TENM4: variants seen among roughly 807,000 people sequenced by gnomAD.
The protein encoded by TENM4 is teneurin-4.
In TENM4, 82 loss-of-function variants were observed where a neutral mutation model predicts 243.3. That is an observed-to-expected ratio of 0.34 (90% CI 0.28 to 0.40). TENM4 has a LOEUF of 0.40. TENM4 is among the 10% of genes least tolerant of loss of function. TENM4 has a pLI of 1.00. For missense variants in TENM4, 3,138 were observed against 3,673.3 expected (o/e 0.85, Z 3.77); for synonymous variants, 1,412 against 1,456.3 (o/e 0.97, Z 0.69).
At chr11:78,969,585 A>T (rs961906862) in intron 6 of TENM4, among the ~76,000 whole-genome samples, 1 of 152,234 alleles carries the variant, frequency 6.6e-6, no homozygotes, top group Non-Finnish European at 1.5e-5. Context: ...TTTGCTCAGC[A>T]GTCCTGAGAA....
At chr11:79,234,635 C>A (rs1490776458) in intron 2 of TENM4, among the ~76,000 whole-genome samples, 1 of 152,190 alleles carries the variant, frequency 6.6e-6, no homozygotes, top group African/African-American at 2.4e-5. Context: ...GAGTGGCTTT[C>A]CTGGGAGTTC....
At chr11:79,314,729 A>G (rs139181997) in intron 1 of TENM4, among the ~76,000 whole-genome samples, 59 of 152,334 alleles carry the variant, frequency 3.9e-4, no homozygotes, top group African/African-American at 1.4e-3. Flanking sequence ...AAGGGGTAGA[A>G]AAGGGGAGTA....
At chr11:78,877,678 G>A (rs1859303866) in intron 9 of TENM4, among the ~76,000 whole-genome samples, 1 of 152,176 alleles carries the variant, frequency 6.6e-6, no homozygotes, top group African/African-American at 2.4e-5. Context: ...CCCTAGGAGA[G>A]TGTGTTGTTT....
chr11:79,384,391 T>G (rs1858066125), intron 1 of TENM4, among the ~76,000 whole-genome samples: 1 of 152,176 alleles, frequency 6.6e-6, no homozygotes, highest in Non-Finnish European at 1.5e-5. Flanking sequence ...GCATCCCCAT[T>G]TGGTGTCCTT....
chr11:79,190,829 T>G (rs12787750), intron 3 of TENM4, among the ~76,000 whole-genome samples: 3,988 of 30,934 alleles, frequency 0.13, 455 homozygotes, highest in East Asian at 0.4. Flanking sequence ...TCCCTCTCCC[T>G]TCTCCCTCTC....
At chr11:78,967,120 T>C (rs977816216) in intron 6 of TENM4, among the ~76,000 whole-genome samples, 1 of 152,108 alleles carries the variant, frequency 6.6e-6, no homozygotes, top group African/African-American at 2.4e-5. Context: ...TCAAGAAGCT[T>C]TCCTGATGCT....
intron 1 of TENM4, among the ~76,000 whole-genome samples, chr11:79,370,184 C>G (rs1213815901): frequency 6.6e-6 from 1 of 152,366 alleles, no homozygotes; most frequent in South Asian, 2.1e-4. Flanking sequence ...CTGAGCCAGG[C>G]TCCTGCTCAC....
At chr11:79,161,865 T>C (rs1306901345) in intron 3 of TENM4, among the ~76,000 whole-genome samples, 2 of 152,088 alleles carry the variant, frequency 1.3e-5, no homozygotes, top group African/African-American at 2.4e-5. Context: ...CACCAGAAAA[T>C]GACCCAAGTG....
At chr11:79,168,397 A>C (rs184662010) in intron 3 of TENM4, among the ~76,000 whole-genome samples, 1 of 152,256 alleles carries the variant, frequency 6.6e-6, no homozygotes, top group Non-Finnish European at 1.5e-5. Context: ...GGGGATGCCA[A>C]ACCAGTCTGG....
intron 1 of TENM4, among the ~76,000 whole-genome samples, chr11:79,394,481 T>C (rs1178611552): frequency 1.3e-5 from 2 of 152,252 alleles, no homozygotes; most frequent in Non-Finnish European, 2.9e-5. Context: ...GGGCTGATTA[T>C]GCCAGCTACC....
intron 6 of TENM4, among the ~76,000 whole-genome samples, chr11:78,947,287 T>C (rs1857020052): frequency 1.3e-5 from 2 of 152,192 alleles, no homozygotes; most frequent in South Asian, 4.1e-4. Flanking sequence ...GAGAGGGGAC[T>C]CAACTTGCCC....
At chr11:78,779,924 C>T (rs951716674) in intron 16 of TENM4, among the ~76,000 whole-genome samples, 11 of 152,152 alleles carry the variant, frequency 7.2e-5, no homozygotes, top group African/African-American at 2.4e-4. Flanking sequence ...ATATATTAGC[C>T]TCAAAGACTA....
intron 4 of TENM4, among the ~76,000 whole-genome samples, chr11:79,107,792 G>T (rs1383766433): frequency 6.6e-6 from 1 of 152,128 alleles, no homozygotes; most frequent in Non-Finnish European, 1.5e-5. Flanking sequence ...ACACGTTATT[G>T]CATTTAATGA....
intron 1 of TENM4, among the ~76,000 whole-genome samples, chr11:79,430,728 T>C (rs1225275210): frequency 1.3e-5 from 2 of 152,236 alleles, no homozygotes; most frequent in Non-Finnish European, 2.9e-5. Context: ...CAAGGTCCCA[T>C]GGCAAGGAGG....
chr11:78,729,690 C>A (rs367951487), intron 21 of TENM4, 47 bp from the exon 22 acceptor site: 3 of 1,553,262 alleles, frequency 1.9e-6, no homozygotes, highest in South Asian at 1.2e-5. Context: ...GTCGACTCAC[C>A]GAGTGGAGGG....
chr11:79,148,465 C>G (rs1328910957), intron 4 of TENM4, among the ~76,000 whole-genome samples: 1 of 152,032 alleles, frequency 6.6e-6, no homozygotes, highest in Non-Finnish European at 1.5e-5. Context: ...TGGTCCGTAC[C>G]TCTAAAACCC....
chr11:79,038,155 G>A (rs1211104192), intron 6 of TENM4, among the ~76,000 whole-genome samples: 20 of 152,216 alleles, frequency 1.3e-4, no homozygotes, highest in Admixed American at 1.3e-3. Context: ...CATAGGGCCT[G>A]CCTAGAGTAG....
intron 6 of TENM4, among the ~76,000 whole-genome samples, chr11:78,992,252 G>A (rs985862027): frequency 6.6e-6 from 1 of 152,178 alleles, no homozygotes; most frequent in Non-Finnish European, 1.5e-5. Flanking sequence ...CTCTAATGCA[G>A]GCACATGGAC....
At chr11:79,269,282 A>T (rs1195818884) in intron 2 of TENM4, among the ~76,000 whole-genome samples, 5 of 152,224 alleles carry the variant, frequency 3.3e-5, no homozygotes, top group South Asian at 2.1e-4. Flanking sequence ...AGCTATAACT[A>T]ATTCACCATT....
Sources: gnomAD v4.1 joint callset for allele counts (sites outside exome capture counted in the v4.1 genomes callset) on GRCh38, gnomAD v4.1.1 for gene constraint, MANE v1.5 for transcripts, NCBI Gene and HGNC (gene_info 2026-07-23, HGNC 2026-07-21) for gene names.